RNGTT: variants seen among roughly 807,000 people sequenced by gnomAD.
RNGTT encodes RNA guanylyltransferase and 5'-phosphatase, also known as mRNA-capping enzyme.
Under a neutral mutation model 79.3 loss-of-function variants are expected in RNGTT, and 33 were observed. The observed-to-expected ratio is 0.42, with a 90% confidence interval of 0.32 to 0.56. The LOEUF is 0.56. RNGTT is among the 20% of genes least tolerant of loss of function. The pLI is 0.17. For missense variants in RNGTT, 497 were observed against 739.1 expected (o/e 0.67, Z 3.80); for synonymous variants, 222 against 235.9 (o/e 0.94, Z 0.54).
chr6:88,877,151 A>T (rs561380200), intron 8 of RNGTT, among the ~76,000 whole-genome samples: 71 of 152,330 alleles, frequency 4.7e-4, no homozygotes, highest in African/African-American at 1.3e-3. Flanking sequence ...CCACACCCTA[A>T]AAGAATTCTG....
intron 8 of RNGTT, 35 bp from the exon 9 acceptor site, chr6:88,853,799 G>A (rs1562286593): frequency 2.2e-6 from 3 of 1,354,322 alleles, no homozygotes; most frequent in Non-Finnish European, 3.1e-6. Flanking sequence ...AATATTTACA[G>A]TATAATATCA....
chr6:88,645,809 A>G (rs1371627668), intron 14 of RNGTT, among the ~76,000 whole-genome samples: 1 of 152,274 alleles, frequency 6.6e-6, no homozygotes, highest in African/African-American at 2.4e-5. Context: ...ATATGTAGAA[A>G]GCTGAAACTG....
chr6:88,624,979 C>T (rs1772573046), intron 14 of RNGTT, among the ~76,000 whole-genome samples: 1 of 151,748 alleles, frequency 6.6e-6, no homozygotes, highest in Non-Finnish European at 1.5e-5. Context: ...ACTGTATGTT[C>T]AAAATCATTT....
intron 13 of RNGTT, among the ~76,000 whole-genome samples, chr6:88,682,810 T>A (rs992202444): frequency 3.9e-5 from 6 of 152,010 alleles, no homozygotes; most frequent in Non-Finnish European, 7.4e-5. Context: ...AGAACATAAC[T>A]CAGCTAGAAA....
chr6:88,616,226 A>G, intron 14 of RNGTT, among the ~76,000 whole-genome samples: 1 of 152,204 alleles, frequency 6.6e-6, no homozygotes, highest in East Asian at 1.9e-4. Flanking sequence ...GTATGTATAC[A>G]CCACATTTTC....
rs143853361 is a variant in RNGTT at position 88,911,613 on chromosome 6, C to A, written c.368-5173G>T. Among the ~76,000 whole-genome samples, 5 of 152,150 alleles carry A rather than the reference C, an allele frequency of 3.3e-5. No individual in the cohort carries two copies. In the East Asian group the frequency reaches 7.7e-4, roughly 24 times the overall value. On this transcript the variant is annotated intron_variant, in intron 4 of 15. Coordinates refer to ENST00000369485, the MANE Select transcript of RNGTT (RefSeq NM_003800.5). ...ACCAAGATAAACACTCAAAACCACA[C>A]AATTACATGGAAACGAAACAACTTC...
chr6:88,851,699 G>A (rs778206215), intron 9 of RNGTT, among the ~76,000 whole-genome samples: 1 of 151,936 alleles, frequency 6.6e-6, no homozygotes, highest in South Asian at 2.1e-4. Context: ...CAATTAGGTG[G>A]TTTGAATTAT....
chr6:88,645,490 T>C (rs1482568671), intron 14 of RNGTT, among the ~76,000 whole-genome samples: 9 of 152,038 alleles, frequency 5.9e-5, no homozygotes, highest in Non-Finnish European at 1.5e-5. Flanking sequence ...CTTCACAGAA[T>C]TGGAAAAAAC....
chr6:88,918,660 A>G (rs1476377763), intron 4 of RNGTT, among the ~76,000 whole-genome samples: 1 of 152,232 alleles, frequency 6.6e-6, no homozygotes, highest in Non-Finnish European at 1.5e-5. Flanking sequence ...ATAAATAGCT[A>G]TGACCAAGAA....
chr6:88,753,776 A>T (rs1333029078), intron 13 of RNGTT, among the ~76,000 whole-genome samples: 1 of 152,032 alleles, frequency 6.6e-6, no homozygotes, highest in African/African-American at 2.4e-5. Context: ...TTTATCTAAA[A>T]TCATAGATTA....
intron 13 of RNGTT, among the ~76,000 whole-genome samples, chr6:88,703,442 G>A (rs557281008): frequency 5.3e-5 from 8 of 152,238 alleles, no homozygotes; most frequent in Non-Finnish European, 1.0e-4. Context: ...GAGAATTAAC[G>A]CAGGAACAGA....
At chr6:88,676,018 A>G (rs140741674) in intron 14 of RNGTT, among the ~76,000 whole-genome samples, 1 of 152,304 alleles carries the variant, frequency 6.6e-6, no homozygotes, top group African/African-American at 2.4e-5. Flanking sequence ...AATCCCAATC[A>G]CAATCCGAAC....
Position 88,611,198 on chromosome 6 carries a change from T to G in RNGTT, c.*1521A>C, listed in dbSNP as rs1002686512. On this transcript the variant is annotated 3_prime_UTR_variant, in exon 16 of 16. Transcript: ENST00000369485. ...AGAAAAGCACTGCAGGAGAAAACTTTGTTTAAAAACATTAAAACTCAGGTG... is the reference window on the plus strand; with the variant it reads ...AGAAAAGCACTGCAGGAGAAAACTTGGTTTAAAAACATTAAAACTCAGGTG... The G allele has an allele frequency of 6.6e-6, 1 of 152,626 alleles. No individual in the cohort carries two copies. The highest frequency in any genetic ancestry group is 6.5e-5 in the Admixed American group (1 of 15,292). 9.5% of individuals were successfully genotyped at this position (152,626 alleles called of 1,614,324 possible).
intron 13 of RNGTT, among the ~76,000 whole-genome samples, chr6:88,697,300 C>A (rs1167508263): frequency 6.6e-6 from 1 of 152,006 alleles, no homozygotes; most frequent in Non-Finnish European, 1.5e-5. Context: ...CCCTGTAATC[C>A]CAGCACTTTG....
intron 13 of RNGTT, among the ~76,000 whole-genome samples, chr6:88,751,470 G>C (rs1278027643): frequency 6.6e-6 from 1 of 152,068 alleles, no homozygotes; most frequent in Non-Finnish European, 1.5e-5. Context: ...GTAATTTAGA[G>C]TATCAATTTC....
chr6:88,799,271 T>C (rs1403748245), intron 12 of RNGTT, among the ~76,000 whole-genome samples: 2 of 152,088 alleles, frequency 1.3e-5, no homozygotes, highest in Non-Finnish European at 2.9e-5. Flanking sequence ...CTAACAAAAA[T>C]TTCTGGGTAG....
chr6:88,714,023 C>A (rs989021362), intron 13 of RNGTT, among the ~76,000 whole-genome samples: 1 of 152,144 alleles, frequency 6.6e-6, no homozygotes, highest in South Asian at 2.1e-4. Flanking sequence ...GTTCCACTTC[C>A]AATCTCAATG....
intron 11 of RNGTT, among the ~76,000 whole-genome samples, chr6:88,843,848 G>A (rs1401191338): frequency 1.3e-5 from 2 of 150,748 alleles, no homozygotes; most frequent in African/African-American, 4.9e-5. Context: ...GAGCCACCGA[G>A]CCTGGCCTTA....
In RNGTT at chr6:88,777,216, A is replaced by G. The variant is rs564674926; in HGVS notation, c.1339-7342T>C. Among the ~76,000 whole-genome samples, 7 of 152,216 alleles carry G rather than the reference A, an allele frequency of 4.6e-5. No homozygotes were observed. The South Asian group carries it at 1.5e-3, about 32-fold the overall frequency. On this transcript the variant is annotated intron_variant, in intron 12 of 15. Coordinates refer to ENST00000369485, the MANE Select transcript of RNGTT (RefSeq NM_003800.5). ...TCCACTGGTCTATGTGTATGTTTCT[A>G]TTTCAGTACTACACCATTTTAATTA...
Sources: allele counts gnomAD v4.1 joint callset (sites outside exome capture counted in the v4.1 genomes callset), GRCh38; gene constraint gnomAD v4.1.1; transcripts MANE v1.5; gene names NCBI Gene and HGNC (gene_info 2026-07-23, HGNC 2026-07-21).